The following DNAH12 variants were observed in gnomAD, a reference collection of about 807,000 sequenced individuals.
DNAH12 encodes the protein dynein axonemal heavy chain 12, also known as axonemal beta dynein heavy chain 12.
In DNAH12, 285 loss-of-function variants were observed where a neutral mutation model predicts 371.5. The ratio of observed to expected loss-of-function variants is 0.77; its 90% CI spans 0.70 to 0.85. DNAH12 has a LOEUF of 0.85. DNAH12 is among the 40% of genes least tolerant of loss of function. The pLI is 0.00. For synonymous variants in DNAH12, 1,200 were observed against 1,213.0 expected (o/e 0.99, Z 0.22); for missense variants, 3,611 against 3,689.4 (o/e 0.98, Z 0.55).
intron 55 of DNAH12, among the ~76,000 whole-genome samples, chr3:57,372,778 A>G (rs1038042575): frequency 3.9e-4 from 59 of 152,238 alleles, no homozygotes; most frequent in African/African-American, 1.4e-3. Context: ...TCCAAGAAGA[A>G]AAAGAAGAAA....
the DNAH12 span, among the ~76,000 whole-genome samples, chr3:57,551,244 G>A: frequency 9.3e-5 from 14 of 150,128 alleles, no homozygotes; most frequent in Non-Finnish European, 7.4e-5. Context: ...TGTTTTTATC[G>A]TACTCTGTAT....
intron 60 of DNAH12, among the ~76,000 whole-genome samples, chr3:57,349,873 A>G (rs2062630975): frequency 6.6e-6 from 1 of 152,142 alleles, no homozygotes; most frequent in African/African-American, 2.4e-5. Flanking sequence ...TATTTTTAGT[A>G]GAGACAGGGT....
At chr3:57,515,970 TA>T (rs1446874037) in intron 4 of DNAH12, among the ~76,000 whole-genome samples, 2 of 151,820 alleles carry the variant, frequency 1.3e-5, no homozygotes, top group East Asian at 1.9e-4. Flanking sequence ...CTCTTACTTT[TA>T]TTTTTTTTCA....
At chr3:57,335,234 G>A (rs941474357) in intron 60 of DNAH12, among the ~76,000 whole-genome samples, 1 of 152,160 alleles carries the variant, frequency 6.6e-6, no homozygotes, top group Non-Finnish European at 1.5e-5. Flanking sequence ...CAGAATCAGA[G>A]CTCTGCAGTA....
chr3:57,493,525 C>T (rs1168787155), intron 11 of DNAH12: 1 of 151,994 alleles, frequency 6.6e-6, no homozygotes, highest in Admixed American at 6.6e-5. Context: ...TATATACCAT[C>T]CCTGAATTTG....
chr3:57,480,512 T>C (rs1442007438), intron 13 of DNAH12, among the ~76,000 whole-genome samples: 3 of 151,102 alleles, frequency 2.0e-5, no homozygotes, highest in Admixed American at 1.3e-4. Flanking sequence ...GCTGGTACCA[T>C]TCCTTCTGAA....
intron 60 of DNAH12, among the ~76,000 whole-genome samples, chr3:57,347,601 A>G (rs1170705937): frequency 6.6e-6 from 1 of 151,932 alleles, no homozygotes; most frequent in African/African-American, 2.4e-5. Flanking sequence ...CTGTAATTCC[A>G]GCTACTGGGG....
At chr3:57,341,010 A>C (rs781824964) in intron 60 of DNAH12, among the ~76,000 whole-genome samples, 1 of 152,216 alleles carries the variant, frequency 6.6e-6, no homozygotes, top group Non-Finnish European at 1.5e-5. Flanking sequence ...GTGAGACATC[A>C]CAACAGAATG....
chr3:57,406,777 T>C (rs1056527288), intron 40 of DNAH12, among the ~76,000 whole-genome samples: 1 of 152,198 alleles, frequency 6.6e-6, no homozygotes, highest in East Asian at 1.9e-4. Context: ...TATATCTAAA[T>C]TGGCTTTAAG....
chr3:57,351,541 G>A (rs1010530202), intron 60 of DNAH12, among the ~76,000 whole-genome samples: 1 of 152,084 alleles, frequency 6.6e-6, no homozygotes, highest in Non-Finnish European at 1.5e-5. Context: ...AACAGGTAAC[G>A]TCAATGTATT....
intron 60 of DNAH12, among the ~76,000 whole-genome samples, chr3:57,342,003 C>T (rs2062413260): frequency 6.6e-6 from 1 of 152,092 alleles, no homozygotes; most frequent in South Asian, 2.1e-4. Context: ...ATGCCAAGAA[C>T]ATTGATTGGG....
At chr3:57,327,858 AT>A in intron 62 of DNAH12, among the ~76,000 whole-genome samples, 1 of 152,294 alleles carries the variant, frequency 6.6e-6, no homozygotes, top group South Asian at 2.1e-4. Context: ...AATAGATGCA[AT>A]AAAAAATGAT....
intron 19 of DNAH12, among the ~76,000 whole-genome samples, chr3:57,461,045 C>G (rs965726318): frequency 1.3e-5 from 2 of 152,088 alleles, no homozygotes; most frequent in Non-Finnish European, 2.9e-5. Flanking sequence ...AATCTTGGAG[C>G]CTCAAATACC....
chr3:57,334,989 G>T, intron 60 of DNAH12, 49 bp from the exon 61 acceptor site: 1 of 1,505,084 alleles, frequency 6.6e-7, no homozygotes, highest in South Asian at 1.3e-5. Context: ...TTTTAAAATT[G>T]AATGATGTCA....
chr3:57,534,276 G>A lies in DNAH12; in HGVS notation c.170+8425C>T, dbSNP rs2068949622. ...TATCAGCAATTCAAGACTCTTTCCT[G>A]CCCTCTTCAGTGCCTTTCAGTAATA... On this transcript the variant is annotated intron_variant, in intron 2 of 73. Transcript: ENST00000495027. Among the ~76,000 whole-genome samples, 3 of 152,104 alleles carry A rather than the reference G, an allele frequency of 2.0e-5. No homozygotes were observed. In the South Asian group the frequency reaches 6.2e-4, roughly 31 times the overall value.
intron 8 of DNAH12, among the ~76,000 whole-genome samples, chr3:57,506,797 G>A (rs1266265036): frequency 6.6e-6 from 1 of 152,030 alleles, no homozygotes; most frequent in African/African-American, 2.4e-5. Context: ...CTGGGTGAAG[G>A]TAAAGCCACT....
chr3:57,544,431 G>A (rs753878196), upstream of DNAH12: 1 of 152,208 alleles, frequency 6.6e-6, no homozygotes, highest in Admixed American at 6.5e-5. Flanking sequence ...TGCCTGGAGA[G>A]GCAGTTGCCA....
chr3:57,313,060 A>T (rs1289789191), intron 66 of DNAH12, among the ~76,000 whole-genome samples: 1 of 152,196 alleles, frequency 6.6e-6, no homozygotes, highest in Non-Finnish European at 1.5e-5. Context: ...CCTATTTCAA[A>T]AAGGCCCCTC....
intron 63 of DNAH12, 53 bp downstream of exon 63, chr3:57,323,416 G>C: frequency 1.3e-6 from 2 of 1,488,404 alleles, no homozygotes; most frequent in Non-Finnish European, 1.8e-6. Flanking sequence ...AATCAGTATT[G>C]AGCAAGATGT....
Sources: gnomAD v4.1 joint callset for allele counts (sites outside exome capture counted in the v4.1 genomes callset) on GRCh38, gnomAD v4.1.1 for gene constraint, MANE v1.5 for transcripts, NCBI Gene and HGNC (gene_info 2026-07-23, HGNC 2026-07-21) for gene names.